Variants in ABCB7 observed in about 807,000 individuals in gnomAD.
ABCB7 encodes ATP binding cassette subfamily B member 7.
ABCB7 carries 7 observed loss-of-function variants against 54.4 expected under a neutral mutation model. The observed-to-expected ratio is 0.13, with a 90% confidence interval of 0.07 to 0.24. The LOEUF (loss-of-function observed/expected upper bound fraction) is 0.24. Ranked by LOEUF, ABCB7 falls within the 10% of genes least tolerant of loss-of-function variation. The pLI is 1.00. For synonymous variants in ABCB7, 218 were observed against 207.1 expected (o/e 1.05, Z -0.45); for missense variants, 356 against 570.4 (o/e 0.62, Z 3.83).
intron 3 of ABCB7, among the ~76,000 whole-genome samples, chrX:75,102,402 A>G: frequency 2.7e-5 from 3 of 111,380 alleles, no homozygotes; most frequent in South Asian, 3.8e-4. Context: ...TATAAGATCA[A>G]CTTTCTTAGA....
intron 8 of ABCB7, among the ~76,000 whole-genome samples, chrX:75,072,280 T>C (rs1048498552): frequency 1.8e-5 from 2 of 111,673 alleles, no homozygotes; most frequent in Non-Finnish European, 3.8e-5. Context: ...TTACTGTTCA[T>C]TCTGAATCAA....
At chrX:75,076,072 G>A (rs1196860840) in intron 5 of ABCB7, among the ~76,000 whole-genome samples, 1 of 111,293 alleles carries the variant, frequency 9.0e-6, no homozygotes, top group African/African-American at 3.3e-5. Context: ...TAATGCATGG[G>A]ACACACAGCA....
intron 4 of ABCB7, among the ~76,000 whole-genome samples, chrX:75,083,651 G>T (rs1385156660): frequency 2.7e-5 from 3 of 109,782 alleles, no homozygotes; most frequent in Admixed American, 9.7e-5. Flanking sequence ...ATTTTGAAAA[G>T]AAGGGAAGAA....
At chrX:75,054,577 GTTTTT>G (rs796793574) in intron 15 of ABCB7, among the ~76,000 whole-genome samples, 1 of 99,328 alleles carries the variant, frequency 1.0e-5, no homozygotes, top group Admixed American at 1.1e-4. Context: ...TAACTTCCTT[GTTTTT>G]TTTTTTCATT....
intron 1 of ABCB7, among the ~76,000 whole-genome samples, chrX:75,140,420 A>G (rs2082045715): frequency 9.0e-6 from 1 of 111,051 alleles, no homozygotes. Flanking sequence ...ACAGTGTGGT[A>G]CTGACATATG....
At chrX:75,137,211 G>A (rs1473532755) in intron 1 of ABCB7, among the ~76,000 whole-genome samples, 1 of 112,051 alleles carries the variant, frequency 8.9e-6, no homozygotes, top group Non-Finnish European at 1.9e-5. Flanking sequence ...CATTAAAAAT[G>A]CGCAAAGGAC....
intron 1 of ABCB7, among the ~76,000 whole-genome samples, chrX:75,118,125 T>C (rs936992120): frequency 8.9e-6 from 1 of 112,045 alleles, no homozygotes; most frequent in Non-Finnish European, 1.9e-5. Flanking sequence ...AAGCCTACTG[T>C]TCAAGACAGC....
chrX:75,130,102 C>A (rs1287604039), intron 1 of ABCB7, among the ~76,000 whole-genome samples: 1 of 111,730 alleles, frequency 9.0e-6, no homozygotes, highest in Non-Finnish European at 1.9e-5. Flanking sequence ...GTCACTGAAT[C>A]TAGGGAATTT....
chrX:75,117,733 C>T (rs894559409), intron 1 of ABCB7, among the ~76,000 whole-genome samples: 3 of 111,396 alleles, frequency 2.7e-5, no homozygotes, highest in Non-Finnish European at 3.8e-5. Context: ...TTTTTCCTCC[C>T]CAAAAGGGGA....
chrX:75,057,079 GATTTA>G (rs1017224576), intron 15 of ABCB7, among the ~76,000 whole-genome samples: 9 of 111,277 alleles, frequency 8.1e-5, no homozygotes, highest in African/African-American at 2.9e-4. Context: ...CATCCTTGTT[GATTTA>G]ATTTTATTTT....
At position 75,076,639 on chromosome X, in the gene ABCB7, C is replaced by T. The variant is rs2081412033; in HGVS notation, c.469G>A (p.Val157Ile). The T allele has an allele frequency of 8.3e-7, 1 of 1,209,389 alleles. No homozygotes were observed. Among genetic ancestry groups the T allele is most frequent in the Non-Finnish European group, 1.1e-6 (1 of 893,623 alleles). The change falls in exon 5 of 16, where the codon GTT becomes ATT. Residue 157 changes from valine (V) to isoleucine (I), a missense_variant. Val to Ile is a conservative substitution (Grantham distance 29). Transcript: ENST00000373394. ...ACAGCATATTTAAACATGAAGGGAA[C>T]CACAATATTCATGGCCTAAAAACAT... ...LGGAKAMNIV[V>I]PFMFKYAVDS...
In ABCB7 at chrX:75,111,899, G is replaced by A. The variant is rs192962305; in HGVS notation, c.333+987C>T. 7.4e-4 allele frequency among the ~76,000 whole-genome samples: 82 copies of A among 111,527 alleles called. 2 individuals carry two copies. In the Admixed American group the frequency reaches 7.8e-3, roughly 11 times the overall value. ...TTGGTGACAGATGATCCTGAAAACT[G>A]GCAAATATCATACCAAAGACTAATG... On this transcript the variant is annotated intron_variant, in intron 3 of 15. Coordinates refer to ENST00000373394, the MANE Select transcript of ABCB7 (RefSeq NM_001271696.3).
chrX:75,087,117 G>A (rs996136954), intron 4 of ABCB7, among the ~76,000 whole-genome samples: 15 of 111,772 alleles, frequency 1.3e-4, no homozygotes, highest in African/African-American at 4.9e-4. Context: ...ATCCACTGCT[G>A]CTGAAAGGGC....
intron 1 of ABCB7, among the ~76,000 whole-genome samples, chrX:75,115,164 A>T (rs902202109): frequency 2.0e-5 from 2 of 100,515 alleles, no homozygotes; most frequent in Admixed American, 2.3e-4. Flanking sequence ...GTTACTCAGG[A>T]GGTTGAAGCA....
chrX:75,119,398 G>A (rs1362439113), intron 1 of ABCB7, among the ~76,000 whole-genome samples: 1 of 112,073 alleles, frequency 8.9e-6, no homozygotes, highest in Non-Finnish European at 1.9e-5. Context: ...GTTAAAGGGG[G>A]TATTATTCGG....
chrX:75,113,100 G>T, intron 2 of ABCB7, 128 bp from the exon 3 acceptor site: 1 of 520,501 alleles, frequency 1.9e-6, no homozygotes, highest in Non-Finnish European at 3.3e-6. Flanking sequence ...ATTTAGTCTG[G>T]CATAGTAAAG....
rs2081363054 is a variant in ABCB7, at chrX:75,071,500, A to C, written c.1207+9T>G. On this transcript the variant is annotated intron_variant, in intron 9 of 15. Coordinates refer to ENST00000373394, the MANE Select transcript of ABCB7 (RefSeq NM_001271696.3). ...CAGCCTGTAAATGTGATAGCCACAG[A>C]CTCATTACCTGCCACAATTCCCTGA... 8.3e-7 allele frequency: 1 copy of C among 1,209,956 alleles called. No homozygotes were observed. Among genetic ancestry groups the C allele is most frequent in the Non-Finnish European group, 1.1e-6 (1 of 894,337 alleles).
intron 3 of ABCB7, among the ~76,000 whole-genome samples, chrX:75,106,849 C>T (rs1285671801): frequency 9.0e-6 from 1 of 111,208 alleles, no homozygotes; most frequent in East Asian, 2.8e-4. Context: ...ATCCCCCTTC[C>T]CTTCAAGGAC....
chrX:75,132,103 T>A (rs2081978948), intron 1 of ABCB7, among the ~76,000 whole-genome samples: 1 of 111,601 alleles, frequency 9.0e-6, no homozygotes, highest in Admixed American at 9.5e-5. Flanking sequence ...ATTCCCATTG[T>A]TAGTGGCTCT....
Sources: gnomAD v4.1 joint callset for allele counts (sites outside exome capture counted in the v4.1 genomes callset) on GRCh38, gnomAD v4.1.1 for gene constraint, MANE v1.5 for transcripts, NCBI Gene and HGNC (gene_info 2026-07-23, HGNC 2026-07-21) for gene names.